Variants in ITGA4 observed in about 807,000 individuals in gnomAD.
ITGA4 encodes integrin alpha-4.
A neutral mutation model predicts 133.6 loss-of-function variants in ITGA4; 63 were observed. The ratio of observed to expected loss-of-function variants is 0.47; its 90% CI spans 0.38 to 0.58. The LOEUF is 0.58. ITGA4 is among the 20% of genes least tolerant of loss of function. The probability of loss-of-function intolerance (pLI) is 0.00; values close to 1 mark genes in which losing one functional copy is unlikely to be tolerated. For synonymous variants in ITGA4, 483 were observed against 438.0 expected, an observed-to-expected ratio of 1.10 and a Z score of -1.28; for missense variants, 1,076 against 1,252.7, an observed-to-expected ratio of 0.86 and a Z score of 2.13.
rs1243450338 is a variant in ITGA4, at chr2:181,495,976, G to A, written c.1540+39G>A. ...ACAATATTAATGCTTGATGGGGTGC[G>A]GTTCATTCATTAATCCCACAATCCT... On this transcript the variant is annotated intron_variant, in intron 14 of 27. Coordinates refer to ENST00000397033, the MANE Select transcript of ITGA4 (RefSeq NM_000885.6). The surrounding 1 kb of genome is among the most constrained non-coding windows in gnomAD (Gnocchi z 4.3). 6.9e-6 allele frequency: 11 copies of A among 1,593,458 alleles called. No individual in the cohort carries two copies. Among genetic ancestry groups the A allele is most frequent in the Non-Finnish European group, 6.9e-6 (8 of 1,166,442 alleles).
At chr2:181,507,598 A>G (rs1574402889) in intron 15 of ITGA4, among the ~76,000 whole-genome samples, 2 of 152,122 alleles carry the variant, frequency 1.3e-5, no homozygotes, top group East Asian at 3.9e-4. Context: ...ACAAAAATCC[A>G]AGGATCCTCA....
chr2:181,498,533 G>A (rs1686203857), intron 14 of ITGA4, 90 bp from the exon 15 acceptor site: 1 of 662,842 alleles, frequency 1.5e-6, no homozygotes, highest in Non-Finnish European at 2.4e-6. Flanking sequence ...ATTTCCAGTA[G>A]TCCATATAAC....
chr2:181,535,393 C>A, intron 27 of ITGA4, 39 bp from the exon 28 acceptor site: 2 of 1,474,528 alleles, frequency 1.4e-6, no homozygotes, highest in South Asian at 1.2e-5. Context: ...AGAGAGTGTT[C>A]ATAACTATAC....
In ITGA4 at chr2:181,470,292, AT is replaced by A. The variant is rs377497998; in HGVS notation, c.320-4658del. On this transcript the variant is annotated intron_variant, in intron 2 of 27. Transcript: ENST00000397033. Reference sequence around the variant, plus strand: ...AAAAAAAATATGAGATTTTCTTGCAATTTTTTTTTTAGCTGATCAGTTATCA... The same window carrying A: ...AAAAAAAATATGAGATTTTCTTGCAATTTTTTTTTAGCTGATCAGTTATCA... 5.4e-3 allele frequency among the ~76,000 whole-genome samples: 806 copies of A among 149,516 alleles called. 5 individuals are homozygous for A. The highest frequency in any genetic ancestry group is 0.018 in the African/African-American group (735 of 40,980).
chr2:181,478,809 C>G lies in ITGA4; in HGVS notation c.609C>G (p.Ser203=). The G allele has an allele frequency of 6.8e-7, 1 of 1,470,274 alleles. No individual in the cohort carries two copies. Among genetic ancestry groups the G allele is most frequent in the Non-Finnish European group, 9.2e-7 (1 of 1,092,880 alleles). 91.1% of individuals were successfully genotyped at this position (1,470,274 alleles called of 1,614,324 possible). The change falls in exon 5 of 28, where the codon TCC becomes TCG. Residue 203 remains serine, a synonymous_variant. Coordinates refer to ENST00000397033, the MANE Select transcript of ITGA4 (RefSeq NM_000885.6). ...ENFASCQAGI[S]SFYTKDLIVM... ...TTGCATCATGTCAAGCTGGAATATC[C>G]AGTTTTTACACAAAGGTAATTGTTC...
At chr2:181,478,062 AC>A (rs1472324754) in intron 4 of ITGA4, among the ~76,000 whole-genome samples, 1 of 152,070 alleles carries the variant, frequency 6.6e-6, no homozygotes, top group African/African-American at 2.4e-5. Flanking sequence ...GGAAATTCTG[AC>A]TTTTGTGACA....
Position 181,481,601 on chromosome 2 carries a change from A to G in ITGA4, c.758A>G (p.Tyr253Cys). ...TACTTTCTCCCTTTTCTTAAAGGATATTCAGTCGGAGCTGGTCATTTTCGG... is the reference window on the plus strand; with the variant it reads ...TACTTTCTCCCTTTTCTTAAAGGATGTTCAGTCGGAGCTGGTCATTTTCGG... ...NQVKFGSYLGYSVGAGHFRSQ... is the reference protein window; with the variant it reads ...NQVKFGSYLGCSVGAGHFRSQ... The change falls in exon 7 of 28, where the codon TAT (tyrosine) becomes TGT (cysteine). Residue 253 changes from tyrosine to cysteine, a missense_variant. By Grantham distance (194) the Tyr-to-Cys change is radical (BLOSUM62 -2). This residue lies in a region of ITGA4 where 436 missense variants were observed against 590.7 expected (regional missense o/e 0.74). Transcript: ENST00000397033. 1 of 1,583,748 alleles carries G rather than the reference A, an allele frequency of 6.3e-7. No homozygotes were observed. The highest frequency in any genetic ancestry group is 8.7e-7 in the Non-Finnish European group (1 of 1,156,036).
At chr2:181,483,842 T>C (rs1479194915) in intron 9 of ITGA4, among the ~76,000 whole-genome samples, 1 of 152,208 alleles carries the variant, frequency 6.6e-6, no homozygotes, top group African/African-American at 2.4e-5. Flanking sequence ...AACATCCACA[T>C]GTATACCTAA....
chr2:181,457,361 C>T (rs1685142517), upstream of ITGA4: 3 of 360,802 alleles, frequency 8.3e-6, no homozygotes, highest in Non-Finnish European at 1.5e-5. Context: ...ACGCCCGGGA[C>T]CCCACCCAGC....
At position 181,491,319 on chromosome 2, in the gene ITGA4, C is replaced by T. The variant is rs1574393627; in HGVS notation, c.1154-2006C>T. Among the ~76,000 whole-genome samples the T allele has an allele frequency of 6.6e-3, 2 of 304 alleles. 1 individual carries two copies. The highest frequency in any genetic ancestry group is 6.8e-3 in the African/African-American group (2 of 296). 0.2% of individuals were successfully genotyped at this position (304 alleles called of 152,430 possible). A position where few individuals can be genotyped will look rare whatever the true frequency, so the allele number is the denominator to read the frequency against. On this transcript the variant is annotated intron_variant, in intron 10 of 27. Transcript: ENST00000397033. ...TTGGGAGGCCGAGACGGGCGGATCA[C>T]GAGGTCAGGAGATCGAGACCATCCT...
intron 2 of ITGA4, among the ~76,000 whole-genome samples, chr2:181,461,174 CA>C (rs1157111582): frequency 6.8e-6 from 1 of 147,760 alleles, no homozygotes; most frequent in African/African-American, 2.5e-5. Context: ...ATATTCATGC[CA>C]TAAGCAGAAG....
rs932980079 is a variant in ITGA4, at chr2:181,537,957, G to A, written c.*2430G>A. 7.8e-6 allele frequency: 5 copies of A among 639,880 alleles called. No homozygotes were observed. The highest frequency in any genetic ancestry group is 1.8e-5 in the African/African-American group (1 of 55,600). The allele number at this position is 639,880 out of a possible 1,614,324, so 39.6% of individuals were successfully genotyped here. The stretch of plus-strand genomic sequence containing the variant: ...ATTCTCATAGAAGTGCGAACCATAT[G>A]GTGAACTGGTATGTGAGGGATCTAG... On this transcript the variant is annotated 3_prime_UTR_variant, in exon 28 of 28. Transcript: ENST00000397033.
At chr2:181,474,482 A>G (rs573826601) in intron 2 of ITGA4, among the ~76,000 whole-genome samples, 1 of 152,346 alleles carries the variant, frequency 6.6e-6, no homozygotes, top group South Asian at 2.1e-4. Flanking sequence ...TGCATGCTTA[A>G]TCATCACCTT....
intron 26 of ITGA4, 30 bp from the exon 27 acceptor site, chr2:181,534,786 T>TTTGA (rs2105775221): frequency 6.5e-7 from 1 of 1,546,904 alleles, no homozygotes; most frequent in Non-Finnish European, 8.7e-7. Context: ...TTTTTTGGTT[T>TTTGA]TTGAGTTTTA....
chr2:181,501,299 C>T (rs1686263256), intron 15 of ITGA4, among the ~76,000 whole-genome samples: 1 of 151,968 alleles, frequency 6.6e-6, no homozygotes, highest in Non-Finnish European at 1.5e-5. Flanking sequence ...CAAAAGGCCT[C>T]AAGAATGTAC....
At chr2:181,471,532 C>T (rs1348683643) in intron 2 of ITGA4, among the ~76,000 whole-genome samples, 2 of 152,170 alleles carry the variant, frequency 1.3e-5, no homozygotes, top group Non-Finnish European at 2.9e-5. Flanking sequence ...TGTTGAGAGT[C>T]ATCTTTCAGT....
At chr2:181,457,381 C>T (rs575291716), upstream of ITGA4, 8 of 405,796 alleles carry the variant, frequency 2.0e-5, no homozygotes, top group African/African-American at 4.3e-5. Context: ...CGGCCCGTAC[C>T]CGGAGAAGCA....
At chr2:181,503,078 T>C (rs552798038) in intron 15 of ITGA4, among the ~76,000 whole-genome samples, 3 of 152,048 alleles carry the variant, frequency 2.0e-5, no homozygotes, top group African/African-American at 7.2e-5. Flanking sequence ...ATTAAACGGA[T>C]CGAGCTGCAA....
chr2:181,479,501 CTT>C (rs565675086), intron 5 of ITGA4: 3 of 150,448 alleles, frequency 2.0e-5, no homozygotes, highest in Non-Finnish European at 4.4e-5. Context: ...TTTAAGTTGA[CTT>C]TTTTTAAGTT....
Sources: gnomAD v4.1 joint callset for allele counts (sites outside exome capture counted in the v4.1 genomes callset) on GRCh38, gnomAD v4.1.1 for gene constraint, gnomAD v4.1.1 regional missense constraint, Gnocchi (gnomAD v3.1) non-coding constraint, MANE v1.5 for transcripts, NCBI Gene and HGNC (gene_info 2026-07-23, HGNC 2026-07-21) for gene names.